The following CEP128 variants were observed in gnomAD, a reference collection of about 807,000 sequenced individuals.
CEP128 encodes the protein centrosomal protein 128kDa.
In CEP128, 132 loss-of-function variants were observed where a neutral mutation model predicts 156.7. That is an observed-to-expected ratio of 0.84 (90% confidence interval 0.73 to 0.97). CEP128 has a LOEUF of 0.97. CEP128 is among the 50% of genes least tolerant of loss of function. The pLI is 0.00. For missense variants in CEP128, 1,252 were observed against 1,281.9 expected, an observed-to-expected ratio of 0.98 and a Z score of 0.36; for synonymous variants, 469 against 448.9, an observed-to-expected ratio of 1.04 and a Z score of -0.57.
At chr14:80,779,512 C>T (rs1900985838) in intron 15 of CEP128, among the ~76,000 whole-genome samples, 2 of 152,146 alleles carry the variant, frequency 1.3e-5, no homozygotes, top group African/African-American at 4.8e-5. Context: ...TATGTCCTAA[C>T]AAAAGCATAG....
chr14:80,734,642 G>T (rs868653118), intron 19 of CEP128, among the ~76,000 whole-genome samples: 10 of 151,892 alleles, frequency 6.6e-5, no homozygotes, highest in African/African-American at 2.4e-4. Context: ...GAGGTCAAGA[G>T]ATCGAGACCA....
At chr14:80,580,350 T>C (rs777381206) in intron 20 of CEP128, 24 bp downstream of exon 20, 8 of 1,522,804 alleles carry the variant, frequency 5.3e-6, no homozygotes, top group Non-Finnish European at 7.3e-6. Context: ...ATACCAAGCA[T>C]GCTTGCCCTA....
intron 19 of CEP128, among the ~76,000 whole-genome samples, chr14:80,593,370 T>C (rs962184821): frequency 6.6e-6 from 1 of 151,844 alleles, no homozygotes. Flanking sequence ...ACCCCATCTC[T>C]ACTAAAGAAA....
Position 80,862,834 on chromosome 14 carries a change from T to A in CEP128, c.685A>T (p.Arg229Ter). 6.2e-7 allele frequency: 1 copy of A among 1,613,986 alleles called. No homozygotes were observed. The highest frequency in any genetic ancestry group is 8.5e-7 in the Non-Finnish European group (1 of 1,179,930). Residue 229 changes from arginine to a stop codon, truncating the protein, a stop_gained, in exon 9 of 25, where the codon AGA becomes TGA. Coordinates refer to ENST00000555265, the MANE Select transcript of CEP128 (RefSeq NM_152446.5). LOFTEE classifies it high-confidence loss of function. ...AGCTCCCTTTCTGTGCGCATCTCTCTCTCCAGTTCCTGAAGCCGCCGCTCC... is the reference window on the plus strand; with the variant it reads ...AGCTCCCTTTCTGTGCGCATCTCTCACTCCAGTTCCTGAAGCCGCCGCTCC... ...RVERRLQELE[R>*]EMRTERELVE...
At chr14:80,670,481 A>G (rs1482515852) in intron 19 of CEP128, among the ~76,000 whole-genome samples, 3 of 152,210 alleles carry the variant, frequency 2.0e-5, no homozygotes, top group Non-Finnish European at 4.4e-5. Context: ...CTTTTGCAGA[A>G]ACATGGATGG....
intron 19 of CEP128, among the ~76,000 whole-genome samples, chr14:80,734,846 CAAAAAA>C (rs397798792): frequency 3.2e-5 from 2 of 62,068 alleles, no homozygotes; most frequent in Admixed American, 2.0e-4. Context: ...GACCCCATCT[CAAAAAA>C]AAAAAAAAAA....
At chr14:80,837,055 C>T (rs1484277506) in intron 11 of CEP128, among the ~76,000 whole-genome samples, 2 of 152,154 alleles carry the variant, frequency 1.3e-5, no homozygotes, top group African/African-American at 4.8e-5. Context: ...TTGAACTCTG[C>T]CAAAATTAAT....
rs146909778 is a variant in CEP128, at chr14:80,933,182, A to G, written c.-16+6203T>C. Among the ~76,000 whole-genome samples, 1,271 of 152,152 alleles carry G rather than the reference A, an allele frequency of 8.4e-3. 13 individuals are homozygous for G. The highest frequency in any genetic ancestry group is 0.01 in the Non-Finnish European group (688 of 67,998). On this transcript the variant is annotated intron_variant, in intron 2 of 24. Transcript: ENST00000555265. ...CCTGGAGAGGTGTTTCCTGCCCATC[A>G]TTCGTGGTGTGGTTCCCTGCCTTCC... is the stretch of plus-strand genomic sequence containing the variant.
chr14:80,908,977 G>A (rs1595576105), intron 4 of CEP128, among the ~76,000 whole-genome samples: 2 of 119,100 alleles, frequency 1.7e-5, no homozygotes, highest in East Asian at 2.0e-4. Context: ...TAAAGCTAAA[G>A]GGTTCCTGAA....
At chr14:80,908,467 C>T (rs1884018997) in intron 4 of CEP128, among the ~76,000 whole-genome samples, 1 of 152,164 alleles carries the variant, frequency 6.6e-6, no homozygotes, top group East Asian at 1.9e-4. Flanking sequence ...CTGTTGTTCA[C>T]TCTATTCATT....
At chr14:80,782,174 T>C (rs1325551940) in intron 15 of CEP128, among the ~76,000 whole-genome samples, 2 of 152,228 alleles carry the variant, frequency 1.3e-5, no homozygotes, top group African/African-American at 2.4e-5. Context: ...ACTGTGGTTT[T>C]TGGCATGTGA....
chr14:80,666,710 G>A (rs1231402696), intron 19 of CEP128, among the ~76,000 whole-genome samples: 1 of 133,504 alleles, frequency 7.5e-6, no homozygotes, highest in Non-Finnish European at 1.6e-5. Context: ...TATTCAAGTA[G>A]GAAAAGAGAG....
chr14:80,924,090 TA>T (rs1210431837), intron 2 of CEP128, among the ~76,000 whole-genome samples: 4 of 152,214 alleles, frequency 2.6e-5, no homozygotes, highest in Non-Finnish European at 5.9e-5. Flanking sequence ...TCTTTGTTTA[TA>T]AATTACCCAA....
intron 2 of CEP128, among the ~76,000 whole-genome samples, chr14:80,931,139 C>T (rs552883291): frequency 3.5e-4 from 54 of 152,310 alleles, no homozygotes; most frequent in African/African-American, 1.3e-3. Flanking sequence ...ATACGATATG[C>T]GTACTTTTGT....
intron 20 of CEP128, among the ~76,000 whole-genome samples, chr14:80,564,368 AT>A (rs2140388041): frequency 6.6e-6 from 1 of 152,314 alleles, no homozygotes; most frequent in South Asian, 2.1e-4. Flanking sequence ...TCATGTTTTA[AT>A]TTGTTCTGGG....
At chr14:80,564,292 G>A (rs1248322048) in intron 20 of CEP128, among the ~76,000 whole-genome samples, 3 of 152,196 alleles carry the variant, frequency 2.0e-5, no homozygotes, top group Non-Finnish European at 4.4e-5. Context: ...ATGGAGCAGT[G>A]CTAATAGCTG....
chr14:80,824,937 T>C (rs1885388694), intron 13 of CEP128, among the ~76,000 whole-genome samples: 1 of 152,190 alleles, frequency 6.6e-6, no homozygotes, highest in African/African-American at 2.4e-5. Context: ...CTGGGCAATT[T>C]ACAAAAGAAA....
chr14:80,573,136 G>T (rs1350099465), intron 20 of CEP128, among the ~76,000 whole-genome samples: 1 of 150,804 alleles, frequency 6.6e-6, no homozygotes. Flanking sequence ...TGTTGGTCAG[G>T]CTGGTCTCAA....
rs140759672 is a variant in CEP128, at chr14:80,497,394, G to C, written c.*85C>G. On this transcript the variant is annotated 3_prime_UTR_variant, in exon 25 of 25. Coordinates refer to ENST00000555265, the MANE Select transcript of CEP128 (RefSeq NM_152446.5). ...GCCAAAGCTGCAGGTATGTCTGTTA[G>C]ATAATCTGGGCCAAATTGCTGTAAG... 472 of 882,920 alleles carry C rather than the reference G, an allele frequency of 5.3e-4. 3 individuals carry two copies. In the East Asian group the frequency reaches 0.012, roughly 22 times the overall value. The allele number at this position is 882,920 out of a possible 1,614,324, so 54.7% of individuals were successfully genotyped here. A position where few individuals can be genotyped will look rare whatever the true frequency, so the allele number is the denominator to read the frequency against.
Sources: gnomAD v4.1 joint callset for allele counts (sites outside exome capture counted in the v4.1 genomes callset) on GRCh38, gnomAD v4.1.1 for gene constraint, MANE v1.5 for transcripts, NCBI Gene and HGNC (gene_info 2026-07-23, HGNC 2026-07-21) for gene names.